CACNA1B: variants seen among roughly 807,000 people sequenced by gnomAD.
The protein encoded by CACNA1B is calcium voltage-gated channel subunit alpha1 B, also known as voltage-dependent N-type calcium channel subunit alpha-1B.
In CACNA1B, 70 loss-of-function variants were observed where a neutral mutation model predicts 247.2. That is an observed-to-expected ratio of 0.28 (90% confidence interval 0.23 to 0.35). The LOEUF (loss-of-function observed/expected upper bound fraction) is 0.35, where lower values mean the gene tolerates loss of function less well. Ranked by LOEUF, CACNA1B falls within the 10% of genes least tolerant of loss-of-function variation. CACNA1B has a pLI of 1.00. For missense variants in CACNA1B, 2,367 were observed against 3,197.4 expected (o/e 0.74, Z 6.26); for synonymous variants, 1,231 against 1,294.4 (o/e 0.95, Z 1.05).
Position 137,952,500 on chromosome 9 carries a change from C to T in CACNA1B, c.1070+123C>T. On this transcript the variant is annotated intron_variant, in intron 7 of 46. Transcript: ENST00000371372. The surrounding 1 kb of genome is among the most constrained non-coding windows in gnomAD (Gnocchi z 4.8). ...ATGGGTGCCCTCTGTGGTGGTTGCC[C>T]CTGGTGTTCTGGGTTCTGGTAGCCC... 4 of 775,896 alleles carry T rather than the reference C, an allele frequency of 5.2e-6. No homozygotes were observed. Among genetic ancestry groups the T allele is most frequent in the South Asian group, 3.1e-5 (2 of 65,306 alleles). The allele number at this position is 775,896 out of a possible 1,614,324, so 48.1% of individuals were successfully genotyped here. A position where few individuals can be genotyped will look rare whatever the true frequency, so the allele number is the denominator to read the frequency against.
chr9:138,026,671 C>T (rs538357237), intron 20 of CACNA1B, among the ~76,000 whole-genome samples: 2 of 152,284 alleles, frequency 1.3e-5, no homozygotes, highest in African/African-American at 4.8e-5. Context: ...ATTTATTCAC[C>T]TATTGAAGGA....
At position 138,043,843 on chromosome 9, in the gene CACNA1B, G is replaced by A; in HGVS notation, c.3356G>A (p.Ser1119Asn). 1 of 1,613,998 alleles carries A rather than the reference G, an allele frequency of 6.2e-7. No homozygotes were observed. Among genetic ancestry groups the A allele is most frequent in the Non-Finnish European group, 8.5e-7 (1 of 1,179,884 alleles). ...GTGGAAGCGGATGACGTGATGAGGAGCGGCCCCCGGCCTATCGTCCCATAC... is the reference window on the plus strand; with the variant it reads ...GTGGAAGCGGATGACGTGATGAGGAACGGCCCCCGGCCTATCGTCCCATAC... Reference protein sequence around the residue: ...KEVEADDVMRSGPRPIVPYSS... With the variant: ...KEVEADDVMRNGPRPIVPYSS... The change falls in exon 21 of 47, where the codon AGC (serine) becomes AAC (asparagine). Residue 1119 changes from serine (S) to asparagine (N), a missense_variant. Physicochemically the swap from Ser to Asn is conservative, Grantham distance 46 (BLOSUM62 1). This residue lies in a region of CACNA1B where 631 missense variants were observed against 631.1 expected (regional missense o/e 1.00). Coordinates refer to ENST00000371372, the MANE Select transcript of CACNA1B (RefSeq NM_000718.4).
chr9:137,902,603 G>A (rs2133260791), intron 3 of CACNA1B, among the ~76,000 whole-genome samples: 1 of 152,082 alleles, frequency 6.6e-6, no homozygotes, highest in East Asian at 1.9e-4. Flanking sequence ...TTTCTTTTCT[G>A]TTTACAAAAA....
Position 138,086,948 on chromosome 9 carries a change from T to A in CACNA1B, c.5094+8690T>A, listed in dbSNP as rs1051498386. ...CAAGTCTCAACAAATGTAAAATAATTGAAATTGTATCAAGTATTTTTTCTA... is the reference window on the plus strand; with the variant it reads ...CAAGTCTCAACAAATGTAAAATAATAGAAATTGTATCAAGTATTTTTTCTA... On this transcript the variant is annotated intron_variant, in intron 36 of 46. Coordinates refer to ENST00000371372, the MANE Select transcript of CACNA1B (RefSeq NM_000718.4). 2.0e-5 allele frequency among the ~76,000 whole-genome samples: 3 copies of A among 151,256 alleles called. No individual in the cohort carries two copies. In the South Asian group the frequency reaches 6.3e-4, roughly 32 times the overall value.
rs368848718 is a variant in CACNA1B at position 138,012,726 on chromosome 9, A to C, written c.2161-403A>C. On this transcript the variant is annotated intron_variant, in intron 17 of 46. Coordinates refer to ENST00000371372, the MANE Select transcript of CACNA1B (RefSeq NM_000718.4). This position sits in a 1 kb window ranked among gnomAD's most constrained non-coding sequence, Gnocchi z 4.2. ...GAGACCCTGTCTCTAAAAAAAAAAAAAACAAATAACAAAAAACAAAACAAA... is the reference window on the plus strand; with the variant it reads ...GAGACCCTGTCTCTAAAAAAAAAAACAACAAATAACAAAAAACAAAACAAA... 6.6e-6 allele frequency among the ~76,000 whole-genome samples: 1 copy of C among 152,048 alleles called. No individual in the cohort carries two copies. The highest frequency in any genetic ancestry group is 1.5e-5 in the Non-Finnish European group (1 of 67,956).
intron 5 of CACNA1B, among the ~76,000 whole-genome samples, chr9:137,916,158 G>A (rs1023514176): frequency 6.7e-5 from 10 of 150,130 alleles, no homozygotes; most frequent in African/African-American, 2.5e-4. Context: ...TCAGCCTCCC[G>A]AGTAGCTGGG....
intron 6 of CACNA1B, among the ~76,000 whole-genome samples, chr9:137,949,030 T>TGTATGC (rs1564203006): frequency 7.0e-6 from 1 of 143,130 alleles, no homozygotes; most frequent in African/African-American, 2.6e-5. Context: ...GTGTGGTGTA[T>TGTATGC]ACGTGTGTGG....
rs1371263881 is a variant in CACNA1B, at chr9:137,954,902, G to A, written c.1071-796G>A. Among the ~76,000 whole-genome samples, 1 of 151,066 alleles carries A rather than the reference G, an allele frequency of 6.6e-6. No individual in the cohort carries two copies. Among genetic ancestry groups the A allele is most frequent in the Non-Finnish European group, 1.5e-5 (1 of 67,922 alleles). ...TGTGAGAGAGAGAGAGAGAGAGAGA[G>A]GGGGAGAGAGAGAGAGAGAGAATGG... On this transcript the variant is annotated intron_variant, in intron 7 of 46. Transcript: ENST00000371372. This position sits in a 1 kb window ranked among gnomAD's most constrained non-coding sequence, Gnocchi z 4.1.
intron 6 of CACNA1B, among the ~76,000 whole-genome samples, chr9:137,933,454 C>T (rs1957630567): frequency 6.6e-6 from 1 of 152,062 alleles, no homozygotes; most frequent in Non-Finnish European, 1.5e-5. Context: ...TATATTGGGC[C>T]CCAAATTGGT....
At chr9:138,071,614 G>A (rs549889038) in intron 32 of CACNA1B, among the ~76,000 whole-genome samples, 13 of 152,318 alleles carry the variant, frequency 8.5e-5, no homozygotes, top group South Asian at 8.3e-4. Flanking sequence ...CAGGAGGAAG[G>A]GGGGAGTGTG....
chr9:137,892,676 C>T (rs143519928), intron 3 of CACNA1B: 6,770 of 323,768 alleles, frequency 0.021, 112 homozygotes, highest in Non-Finnish European at 0.026. Flanking sequence ...GGCAGCCTCC[C>T]GTCCAAGGGT....
At chr9:138,013,319 C>T in intron 18 of CACNA1B, 84 bp downstream of exon 18, 1 of 980,628 alleles carries the variant, frequency 1.0e-6, no homozygotes, top group Non-Finnish European at 1.5e-6. Context: ...GGCACCCCTT[C>T]CAGAGGCTTC....
rs115151589 is a variant in CACNA1B, at chr9:138,086,452, G to A, written c.5094+8194G>A. Among the ~76,000 whole-genome samples, 644 of 151,166 alleles carry A rather than the reference G, an allele frequency of 4.3e-3. 31 individuals are homozygous for A. The highest frequency in any genetic ancestry group is 0.015 in the African/African-American group (625 of 40,900). On this transcript the variant is annotated intron_variant, in intron 36 of 46. Coordinates refer to ENST00000371372, the MANE Select transcript of CACNA1B (RefSeq NM_000718.4). ...AGGTGGAAAGATTGCTTGAGTCCAG[G>A]AGTTCAAGGTGGTAGTGTGCTGTGA...
Position 138,115,577 on chromosome 9 carries a change from C to A in CACNA1B, c.5675C>A (p.Pro1892His). The stretch of plus-strand genomic sequence containing the variant: ...ATGGGTCCTGTGTCCCTGTTCCACC[C>A]TCTGAAGGCCACCCTGGAGCAGACA... ...SQMGPVSLFH[P>H]LKATLEQTQP... The change falls in exon 42 of 47, where the codon CCT becomes CAT. Residue 1892 changes from proline to histidine, a missense_variant. By Grantham distance (77) the Pro-to-His change is moderately conservative. Around this residue, in one of 12 missense-constraint regions of CACNA1B, gnomAD observed 773 missense variants for 779.4 expected, o/e 0.99. Coordinates refer to ENST00000371372, the MANE Select transcript of CACNA1B (RefSeq NM_000718.4). 1 of 1,613,658 alleles carries A rather than the reference C, an allele frequency of 6.2e-7. No homozygotes were observed. Among genetic ancestry groups the A allele is most frequent in the Non-Finnish European group, 8.5e-7 (1 of 1,179,844 alleles).
In CACNA1B at chr9:138,057,017, G is replaced by A. The variant is rs1227571723; in HGVS notation, c.3969-715G>A. On this transcript the variant is annotated intron_variant, in intron 26 of 46. Coordinates refer to ENST00000371372, the MANE Select transcript of CACNA1B (RefSeq NM_000718.4). This position sits in a 1 kb window ranked among gnomAD's most constrained non-coding sequence, Gnocchi z 4.0. Reference sequence around the variant, plus strand: ...GTGGCGCGATCTCGGCTCACTGCAGGCTCCACCTCCCGGGTTCACGCCATT... The same window carrying A: ...GTGGCGCGATCTCGGCTCACTGCAGACTCCACCTCCCGGGTTCACGCCATT... Among the ~76,000 whole-genome samples the A allele has an allele frequency of 6.9e-6, 1 of 144,988 alleles. No homozygotes were observed.
Position 138,047,052 on chromosome 9 carries a change from C to T in CACNA1B, c.3543+19C>T, listed in dbSNP as rs200425286. 250 of 1,594,958 alleles carry T rather than the reference C, an allele frequency of 1.6e-4. No homozygotes were observed. The African/African-American group carries it at 2.4e-3, about 15-fold the overall frequency. On this transcript the variant is annotated intron_variant, in intron 22 of 46. Transcript: ENST00000371372. ...GAACAACGTGAGTGGCCCGGATGGC[C>T]GGGTCCCCGCCAGGCTGTGGCGGGG...
chr9:138,080,242 C>A (rs368755754), intron 36 of CACNA1B, among the ~76,000 whole-genome samples: 3 of 151,996 alleles, frequency 2.0e-5, no homozygotes, highest in Admixed American at 1.3e-4. Context: ...TTGTGCTGGA[C>A]GTGGGATCAA....
At chr9:138,000,129 C>G (rs112365081) in intron 15 of CACNA1B, among the ~76,000 whole-genome samples, 4 of 147,896 alleles carry the variant, frequency 2.7e-5, no homozygotes, top group Non-Finnish European at 5.9e-5. Context: ...GATGGAGTCT[C>G]GCTCTGTCGC....
At chr9:138,077,187 A>G (rs1188123531) in intron 35 of CACNA1B, among the ~76,000 whole-genome samples, 1 of 152,172 alleles carries the variant, frequency 6.6e-6, no homozygotes, top group Non-Finnish European at 1.5e-5. Flanking sequence ...TCCGGCTGTC[A>G]TCAGTGAGGA....
Sources: gnomAD v4.1 joint callset for allele counts (sites outside exome capture counted in the v4.1 genomes callset) on GRCh38, gnomAD v4.1.1 for gene constraint, gnomAD v4.1.1 regional missense constraint, Gnocchi (gnomAD v3.1) non-coding constraint, MANE v1.5 for transcripts, NCBI Gene and HGNC (gene_info 2026-07-23, HGNC 2026-07-21) for gene names.